Variants in SLC22A9 observed in about 807,000 individuals in gnomAD.
SLC22A9 encodes solute carrier family 22 member 9.
Under a neutral mutation model 50.1 loss-of-function variants are expected in SLC22A9, and 64 were observed. That is an observed-to-expected ratio of 1.28 (90% confidence interval 1.04 to 1.57). The LOEUF (loss-of-function observed/expected upper bound fraction) is 1.57, where lower values mean the gene tolerates loss of function less well. Ranked by LOEUF, SLC22A9 falls within the 40% of genes most tolerant of loss-of-function variation. The pLI is 0.00. For synonymous variants in SLC22A9, 261 were observed against 242.5 expected, an observed-to-expected ratio of 1.08 and a Z score of -0.71; for missense variants, 757 against 676.1, an observed-to-expected ratio of 1.12 and a Z score of -1.33.
chr11:63,410,054 C>A lies in SLC22A9; in HGVS notation c.*192C>A. 2.0e-6 allele frequency: 1 copy of A among 495,690 alleles called. No individual in the cohort carries two copies. The highest frequency in any genetic ancestry group is 3.6e-6 in the Non-Finnish European group (1 of 277,730). The allele number at this position is 495,690 out of a possible 1,614,324, so 30.7% of individuals were successfully genotyped here. On this transcript the variant is annotated 3_prime_UTR_variant, in exon 10 of 10. Transcript: ENST00000279178. ...AGAAGATAAAGACCACCCTGGCCAA[C>A]ATGGTGAAACCCTGTCTCTACTAAA...
intron 7 of SLC22A9, among the ~76,000 whole-genome samples, chr11:63,407,010 G>T (rs552976647): frequency 6.6e-6 from 1 of 152,096 alleles, no homozygotes; most frequent in Non-Finnish European, 1.5e-5. Flanking sequence ...TTACTCTTTG[G>T]CCAATCAAAC....
Position 63,375,822 on chromosome 11 carries a change from A to G in SLC22A9, c.954+54A>G, listed in dbSNP as rs2014452154. ...TGTAGGGAAGACATAACTTGTCATC[A>G]ATACTTAGCAGTAGCAGTGTCCATA... is the stretch of plus-strand genomic sequence containing the variant. On this transcript the variant is annotated intron_variant, in intron 5 of 9. Coordinates refer to ENST00000279178, the MANE Select transcript of SLC22A9 (RefSeq NM_080866.3). 5 of 1,593,964 alleles carry G rather than the reference A, an allele frequency of 3.1e-6. No individual in the cohort carries two copies. In the Middle Eastern group the frequency reaches 5.1e-4, roughly 162 times the overall value.
chr11:63,371,923 C>A (rs2014366924), intron 2 of SLC22A9, among the ~76,000 whole-genome samples: 1 of 152,126 alleles, frequency 6.6e-6, no homozygotes, highest in African/African-American at 2.4e-5. Context: ...CGATGAGGGA[C>A]TTGAAGTGCC....
rs1027264031 is a variant in SLC22A9, at chr11:63,371,382, T to C, written c.506+144T>C. 1.5e-5 allele frequency: 9 copies of C among 603,134 alleles called. No homozygotes were observed. In the South Asian group the frequency reaches 2.0e-4, roughly 14 times the overall value. The allele number at this position is 603,134 out of a possible 1,614,324, so 37.4% of individuals were successfully genotyped here. ...AACAGAAAAGGAAATTTTTAGTCCG[T>C]GTTTTGAGTGCTATTTTTAAAATTT... On this transcript the variant is annotated intron_variant, in intron 2 of 9. Transcript: ENST00000279178.
At chr11:63,392,150 G>T (rs556716108) in intron 6 of SLC22A9, among the ~76,000 whole-genome samples, 1 of 151,988 alleles carries the variant, frequency 6.6e-6, no homozygotes, top group South Asian at 2.1e-4. Flanking sequence ...ACCTTTTCTT[G>T]TTTTTAAATC....
chr11:63,403,631 G>A (rs544120032), intron 6 of SLC22A9, among the ~76,000 whole-genome samples: 4 of 152,016 alleles, frequency 2.6e-5, no homozygotes, highest in Admixed American at 2.6e-4. Flanking sequence ...AACAAGATAA[G>A]GATTCTACTC....
At chr11:63,391,439 A>G (rs540423891) in intron 6 of SLC22A9, among the ~76,000 whole-genome samples, 1 of 152,174 alleles carries the variant, frequency 6.6e-6, no homozygotes, top group South Asian at 2.1e-4. Context: ...AGTTATTAAT[A>G]TAATTGTATT....
chr11:63,389,967 A>T (rs1033098592), intron 6 of SLC22A9, among the ~76,000 whole-genome samples: 21 of 152,144 alleles, frequency 1.4e-4, no homozygotes, highest in Non-Finnish European at 2.1e-4. Context: ...TGCTGGCCAC[A>T]TAAATGTTGT....
Position 63,375,644 on chromosome 11 carries a change from G to T in SLC22A9, c.831-1G>T, listed in dbSNP as rs1409069839. On this transcript the variant is annotated splice_acceptor_variant, in intron 4 of 9. Coordinates refer to ENST00000279178, the MANE Select transcript of SLC22A9 (RefSeq NM_080866.3). LOFTEE classifies it high-confidence loss of function. ...GCCCCTCTGTTCTCTTCCTTGGTCAGTTGGCTGCTAGAGTCTGCTCGGTGG... is the reference window on the plus strand; with the variant it reads ...GCCCCTCTGTTCTCTTCCTTGGTCATTTGGCTGCTAGAGTCTGCTCGGTGG... 19 of 1,611,786 alleles carry T rather than the reference G, an allele frequency of 1.2e-5. No homozygotes were observed. Among genetic ancestry groups the T allele is most frequent in the Admixed American group, 1.7e-5 (1 of 59,806 alleles).
At chr11:63,392,535 T>C (rs1205343552) in intron 6 of SLC22A9, among the ~76,000 whole-genome samples, 1 of 152,020 alleles carries the variant, frequency 6.6e-6, no homozygotes, top group Non-Finnish European at 1.5e-5. Flanking sequence ...GCTCTTAAAA[T>C]ATATCATGCT....
At chr11:63,376,764 TAA>T (rs376461006) in intron 5 of SLC22A9, among the ~76,000 whole-genome samples, 2 of 146,890 alleles carry the variant, frequency 1.4e-5, no homozygotes, top group Non-Finnish European at 1.5e-5. Flanking sequence ...CAAGTTGGAT[TAA>T]AAAAAAAAAT....
Position 63,408,125 on chromosome 11 carries a change from G to A in SLC22A9, c.1302G>A (p.Leu434=). Residue 434 remains leucine, a synonymous_variant, in exon 8 of 10, where the codon CTG becomes CTA. Coordinates refer to ENST00000279178, the MANE Select transcript of SLC22A9 (RefSeq NM_080866.3). ...IIFVPQEMQT[L]REVLATLGLG... ...TCCTTTCTCCAGAAATGCAGACGCT[G>A]CGTGAGGTTTTGGCAACACTGGGCT... 1 of 1,613,500 alleles carries A rather than the reference G, an allele frequency of 6.2e-7. No individual in the cohort carries two copies. The highest frequency in any genetic ancestry group is 8.5e-7 in the Non-Finnish European group (1 of 1,179,622).
At chr11:63,376,971 T>C (rs1045706057) in intron 5 of SLC22A9, among the ~76,000 whole-genome samples, 1 of 152,068 alleles carries the variant, frequency 6.6e-6, no homozygotes, top group Non-Finnish European at 1.5e-5. Context: ...TACATAATGA[T>C]CCAGGGTTCA....
At chr11:63,399,741 T>C (rs559809153) in intron 6 of SLC22A9, among the ~76,000 whole-genome samples, 69 of 152,274 alleles carry the variant, frequency 4.5e-4, no homozygotes, top group African/African-American at 1.6e-3. Context: ...AAATGCAGGA[T>C]GTACATTCTT....
At position 63,371,162 on chromosome 11, in the gene SLC22A9, C is replaced by T. The variant is rs770430919; in HGVS notation, c.430C>T (p.Leu144=). ...EWDLVCDSQS[L]TSVAKFVFMA... is the part of the protein sequence containing the mutation. ...GGATCTGGTATGTGACTCTCAATCA[C>T]TGACTTCAGTGGCTAAATTTGTATT... Residue 144 remains leucine, a synonymous_variant, in exon 2 of 10, where the codon CTG becomes TTG. Transcript: ENST00000279178. 2 of 1,613,358 alleles carry T rather than the reference C, an allele frequency of 1.2e-6. No homozygotes were observed. The highest frequency in any genetic ancestry group is 1.7e-6 in the Non-Finnish European group (2 of 1,179,478).
chr11:63,373,672 T>C lies in SLC22A9; in HGVS notation c.535T>C (p.Cys179Arg), dbSNP rs2014405005. 1 of 1,595,930 alleles carries C rather than the reference T, an allele frequency of 6.3e-7. No homozygotes were observed. Among genetic ancestry groups the C allele is most frequent in the Non-Finnish European group, 8.5e-7 (1 of 1,173,360 alleles). The change falls in exon 3 of 10, where the codon TGT (cysteine) becomes CGT (arginine). Residue 179 changes from cysteine (C) to arginine (R), a missense_variant. Cys to Arg is a radical substitution (Grantham distance 180, BLOSUM62 -3). Coordinates refer to ENST00000279178, the MANE Select transcript of SLC22A9 (RefSeq NM_080866.3). The stretch of plus-strand genomic sequence containing the variant: ...TGGGAGAAGGTTCGTGCTCAGATGG[T>C]GTTACCTCCAGGTTGCCATTGTTGG... ...RFGRRFVLRW[C>R]YLQVAIVGTC... is the part of the protein sequence containing the mutation.
At chr11:63,378,909 T>A (rs940868269) in intron 5 of SLC22A9, among the ~76,000 whole-genome samples, 1 of 152,106 alleles carries the variant, frequency 6.6e-6, no homozygotes, top group Non-Finnish European at 1.5e-5. Context: ...CTCATGGATA[T>A]GAAGAATCAA....
chr11:63,378,277 C>T (rs1296384791), intron 5 of SLC22A9, among the ~76,000 whole-genome samples: 1 of 149,568 alleles, frequency 6.7e-6, no homozygotes, highest in Non-Finnish European at 1.5e-5. Context: ...ACAAAAAACA[C>T]ATTATCAACC....
intron 6 of SLC22A9, among the ~76,000 whole-genome samples, chr11:63,405,805 C>A (rs2015026865): frequency 6.6e-6 from 1 of 152,058 alleles, no homozygotes; most frequent in Non-Finnish European, 1.5e-5. Context: ...GTCATGTGAG[C>A]AAATTGGCTT....
Sources: allele counts gnomAD v4.1 joint callset (sites outside exome capture counted in the v4.1 genomes callset), GRCh38; gene constraint gnomAD v4.1.1; transcripts MANE v1.5; gene names NCBI Gene and HGNC (gene_info 2026-07-23, HGNC 2026-07-21).